PGM1: variants seen among roughly 807,000 people sequenced by gnomAD.
PGM1 encodes phosphoglucomutase-1.
A neutral mutation model predicts 55.6 loss-of-function variants in PGM1; 52 were observed. The observed-to-expected ratio is 0.94, with a 90% CI of 0.75 to 1.18. The LOEUF is 1.18. Among genes scored for constraint, PGM1 ranks in the 50% most tolerant of loss-of-function variants. The pLI is 0.00. For missense variants in PGM1, 724 were observed against 729.3 expected, an observed-to-expected ratio of 0.99 and a Z score of 0.08; for synonymous variants, 287 against 271.7, an observed-to-expected ratio of 1.06 and a Z score of -0.55.
At chr1:63,628,081 T>G (rs1027583278) in intron 1 of PGM1, among the ~76,000 whole-genome samples, 1 of 152,174 alleles carries the variant, frequency 6.6e-6, no homozygotes, top group Non-Finnish European at 1.5e-5. Flanking sequence ...GACCTCAGCT[T>G]CTTCATGTTT....
intron 1 of PGM1, among the ~76,000 whole-genome samples, chr1:63,594,839 TAGTCTCAGCTACTCG>T (rs1019338418): frequency 2.7e-5 from 4 of 147,572 alleles, no homozygotes; most frequent in African/African-American, 1.0e-4. Flanking sequence ...CGGGCGCCTG[TAGTCTCAGCTACTCG>T]GGAGGCTGAG....
intron 1 of PGM1, among the ~76,000 whole-genome samples, chr1:63,621,590 G>A (rs1195252129): frequency 2.6e-5 from 4 of 152,180 alleles, no homozygotes; most frequent in Non-Finnish European, 4.4e-5. Context: ...ATCATTTATA[G>A]TACGTTGAAA....
intron 9 of PGM1, among the ~76,000 whole-genome samples, chr1:63,654,090 G>A (rs560199601): frequency 6.6e-6 from 1 of 152,296 alleles, no homozygotes; most frequent in East Asian, 1.9e-4. Flanking sequence ...CAGCATCACT[G>A]AGGTCAGGTC....
intron 1 of PGM1, among the ~76,000 whole-genome samples, chr1:63,598,570 A>G (rs1570468479): frequency 1.3e-5 from 2 of 152,214 alleles, no homozygotes; most frequent in African/African-American, 4.8e-5. Flanking sequence ...AGTAGTAGTA[A>G]TAGTAGCAGT....
chr1:63,594,977 A>G (rs1032421735), intron 1 of PGM1, among the ~76,000 whole-genome samples: 3 of 149,664 alleles, frequency 2.0e-5, no homozygotes, highest in African/African-American at 2.4e-5. Context: ...AAAAAAAAAG[A>G]AAAAAAAAGT....
At chr1:63,596,124 T>TAA (rs1648058311) in intron 1 of PGM1, among the ~76,000 whole-genome samples, 1 of 152,182 alleles carries the variant, frequency 6.6e-6, no homozygotes, top group Non-Finnish European at 1.5e-5. Context: ...TGTACTCTTG[T>TAA]AAAGTTCTTC....
chr1:63,624,671 G>C (rs1272608338), intron 1 of PGM1, among the ~76,000 whole-genome samples: 2 of 152,118 alleles, frequency 1.3e-5, no homozygotes, highest in East Asian at 3.9e-4. Context: ...TTAAAATCTG[G>C]TGTATTTCTT....
At position 63,635,026 on chromosome 1, in the gene PGM1, A is replaced by T. The variant is rs1176093923; in HGVS notation, c.873+7A>T. ...TGCCTTTGATGGAGATGGGGTGGGT[A>T]TAAGTGCATTTAAGTGAACTCTGGT... On this transcript the variant is annotated splice_region_variant and intron_variant, in intron 5 of 10. Transcript: ENST00000371084. 1.9e-6 allele frequency: 3 copies of T among 1,612,442 alleles called. No homozygotes were observed. Among genetic ancestry groups the T allele is most frequent in the Non-Finnish European group, 2.5e-6 (3 of 1,178,712 alleles).
At chr1:63,601,818 C>T (rs1250582280) in intron 1 of PGM1, among the ~76,000 whole-genome samples, 3 of 152,202 alleles carry the variant, frequency 2.0e-5, no homozygotes, top group Non-Finnish European at 4.4e-5. Flanking sequence ...AGTCCTCCTT[C>T]CCATAGCTTC....
At chr1:63,607,285 G>A (rs148565693) in intron 1 of PGM1, among the ~76,000 whole-genome samples, 1 of 152,288 alleles carries the variant, frequency 6.6e-6, no homozygotes, top group East Asian at 1.9e-4. Context: ...AGCAAAGTAA[G>A]GGCTGTGTCA....
At chr1:63,657,891 G>C (rs186506301) in intron 10 of PGM1, among the ~76,000 whole-genome samples, 15 of 152,336 alleles carry the variant, frequency 9.8e-5, no homozygotes. Flanking sequence ...AATAGCACAA[G>C]AGAAAAGGAA....
At chr1:63,637,648 C>T (rs1304052489) in intron 6 of PGM1, among the ~76,000 whole-genome samples, 3 of 152,168 alleles carry the variant, frequency 2.0e-5, no homozygotes, top group Non-Finnish European at 4.4e-5. Flanking sequence ...TTGAGCCCAG[C>T]ACGTCTACCA....
intron 9 of PGM1, among the ~76,000 whole-genome samples, chr1:63,653,051 C>T (rs1328414018): frequency 6.6e-6 from 1 of 152,150 alleles, no homozygotes; most frequent in Admixed American, 6.5e-5. Flanking sequence ...AAAAGTAAAT[C>T]CCAGCTCTGC....
intron 1 of PGM1, among the ~76,000 whole-genome samples, chr1:63,595,992 C>T (rs1486170344): frequency 6.6e-6 from 1 of 152,206 alleles, no homozygotes; most frequent in Non-Finnish European, 1.5e-5. Context: ...TCTGCCCCCT[C>T]CACTACTCCA....
intron 1 of PGM1, among the ~76,000 whole-genome samples, chr1:63,617,728 C>A (rs1648775936): frequency 1.5e-5 from 1 of 66,096 alleles, no homozygotes; most frequent in Non-Finnish European, 3.2e-5. Flanking sequence ...TCTGCCTCCC[C>A]ACAAAAAAAA....
rs563898790 is a variant in PGM1, at chr1:63,594,086, C to T, written c.246+352C>T. ...CCGAGGCGTCTGACATTTGCCCTAA[C>T]CTTGCAGCCTTGGAAGATACGATTA... On this transcript the variant is annotated intron_variant, in intron 1 of 10. Transcript: ENST00000371084. The T allele has an allele frequency of 1.6e-4, 170 of 1,040,234 alleles. 1 individual carries two copies. Among genetic ancestry groups the T allele is most frequent in the Admixed American group, 8.2e-4 (14 of 17,080 alleles). The allele number at this position is 1,040,234 out of a possible 1,614,324, so 64.4% of individuals were successfully genotyped here.
At chr1:63,609,529 A>G in intron 1 of PGM1, among the ~76,000 whole-genome samples, 1 of 152,194 alleles carries the variant, frequency 6.6e-6, no homozygotes. Flanking sequence ...ATTCTATTAC[A>G]GTCAGTCCTT....
intron 9 of PGM1, among the ~76,000 whole-genome samples, chr1:63,652,262 G>A (rs1230209172): frequency 1.3e-5 from 2 of 152,230 alleles, no homozygotes; most frequent in African/African-American, 4.8e-5. Context: ...CAGCATGTAA[G>A]TGGCATTATA....
chr1:63,658,604 T>C (rs1650030382), intron 10 of PGM1, among the ~76,000 whole-genome samples: 1 of 151,886 alleles, frequency 6.6e-6, no homozygotes, highest in South Asian at 2.1e-4. Flanking sequence ...AATACAAAAT[T>C]AGCCGGGCGT....
Sources: gnomAD v4.1 joint callset for allele counts (sites outside exome capture counted in the v4.1 genomes callset) on GRCh38, gnomAD v4.1.1 for gene constraint, MANE v1.5 for transcripts, NCBI Gene and HGNC (gene_info 2026-07-23, HGNC 2026-07-21) for gene names.